STK33: variants seen among roughly 807,000 people sequenced by gnomAD.
The protein encoded by STK33 is serine/threonine kinase 33.
A neutral mutation model predicts 58.0 loss-of-function variants in STK33; 52 were observed. The observed-to-expected ratio is 0.90, with a 90% CI of 0.72 to 1.13. The LOEUF is 1.13. Among genes scored for constraint, STK33 ranks in the 50% most tolerant of loss-of-function variants. STK33 has a pLI of 0.00. For missense variants in STK33, 630 were observed against 604.2 expected (o/e 1.04, Z -0.45); for synonymous variants, 215 against 200.1 (o/e 1.07, Z -0.63).
intron 9 of STK33, among the ~76,000 whole-genome samples, chr11:8,456,879 G>A (rs753029261): frequency 7.2e-5 from 11 of 152,082 alleles, no homozygotes; most frequent in African/African-American, 1.9e-4. Context: ...TCAATCTAGT[G>A]GGGGATTTTG....
intron 6 of STK33, among the ~76,000 whole-genome samples, chr11:8,468,353 T>C (rs1565100829): frequency 1.3e-5 from 2 of 152,158 alleles, no homozygotes; most frequent in African/African-American, 2.4e-5. Context: ...GAGATTTGGG[T>C]GGGGACACAA....
intron 1 of STK33, among the ~76,000 whole-genome samples, chr11:8,573,282 T>C (rs1248933845): frequency 6.6e-6 from 1 of 152,044 alleles, no homozygotes; most frequent in Non-Finnish European, 1.5e-5. Context: ...GCAAAATACA[T>C]GAATAGACTT....
At chr11:8,383,045 T>C in the STK33 span, among the ~76,000 whole-genome samples, 1,869 of 152,286 alleles carry the variant, frequency 0.012, 38 homozygotes, top group African/African-American at 0.042. Flanking sequence ...AACTAGATTG[T>C]CCACGAATCC....
chr11:8,487,856 T>C (rs139124028), intron 1 of STK33, among the ~76,000 whole-genome samples: 149 of 152,310 alleles, frequency 9.8e-4, no homozygotes, highest in African/African-American at 3.5e-3. Context: ...ACTCTAGATA[T>C]TAACTAAAGG....
intron 14 of STK33, among the ~76,000 whole-genome samples, chr11:8,428,776 C>T (rs1943071741): frequency 6.6e-6 from 1 of 152,100 alleles, no homozygotes; most frequent in Non-Finnish European, 1.5e-5. Context: ...GGAGGGAAAG[C>T]AGCCCTATCC....
chr11:8,479,566 G>A (rs1949612865), intron 2 of STK33, among the ~76,000 whole-genome samples: 1 of 152,048 alleles, frequency 6.6e-6, no homozygotes, highest in Admixed American at 6.6e-5. Context: ...AAGCTGGCCA[G>A]GCACAGTGGT....
chr11:8,442,833 T>A (rs1201192048), intron 11 of STK33, among the ~76,000 whole-genome samples: 1 of 152,072 alleles, frequency 6.6e-6, no homozygotes, highest in African/African-American at 2.4e-5. Context: ...CTCAAAATCA[T>A]GATGTAAGAC....
At chr11:8,449,930 T>C (rs1037962879) in intron 11 of STK33, among the ~76,000 whole-genome samples, 3 of 152,106 alleles carry the variant, frequency 2.0e-5, no homozygotes, top group Non-Finnish European at 4.4e-5. Context: ...TGTGGAGAAA[T>C]AGGAATGCTT....
At chr11:8,399,522 T>C (rs901270441) in intron 15 of STK33, among the ~76,000 whole-genome samples, 6 of 152,046 alleles carry the variant, frequency 3.9e-5, no homozygotes, top group Non-Finnish European at 8.8e-5. Flanking sequence ...GCAGGAAAGA[T>C]CTAAAACTGA....
intron 8 of STK33, among the ~76,000 whole-genome samples, chr11:8,458,783 C>T (rs1947178993): frequency 1.3e-5 from 2 of 152,288 alleles, no homozygotes; most frequent in Admixed American, 1.3e-4. Flanking sequence ...CTTTATGTCT[C>T]CTTTATAACC....
rs180785526 is a variant in STK33 at position 8,418,340 on chromosome 11, A to G, written c.1147-4648T>C. On this transcript the variant is annotated intron_variant, in intron 14 of 15. Transcript: ENST00000687296. ...CCCCTTCTAAGTGAGAACATGTGCT[A>G]TTTGGTTTTCTGTTCCCACGTTAGT... is the stretch of plus-strand genomic sequence containing the variant. 2.7e-3 allele frequency among the ~76,000 whole-genome samples: 409 copies of G among 152,098 alleles called. 1 individual carries two copies. The highest frequency in any genetic ancestry group is 9.5e-3 in the African/African-American group (393 of 41,514).
intron 1 of STK33, among the ~76,000 whole-genome samples, chr11:8,537,623 T>C (rs972435928): frequency 2.6e-5 from 4 of 151,800 alleles, no homozygotes; most frequent in Admixed American, 2.0e-4. Context: ...AAAATGGACA[T>C]GTGCCAAGCG....
At chr11:8,526,258 G>A (rs1235220478) in intron 1 of STK33, among the ~76,000 whole-genome samples, 1 of 151,986 alleles carries the variant, frequency 6.6e-6, no homozygotes, top group African/African-American at 2.4e-5. Context: ...GCTGGTCATG[G>A]TGTCAAGCCT....
chr11:8,389,088 T>A (rs191194778), downstream of STK33, among the ~76,000 whole-genome samples: 5 of 150,650 alleles, frequency 3.3e-5, no homozygotes, highest in African/African-American at 1.2e-4. Context: ...TAAACTTAAA[T>A]GCGGAAGCTG....
intron 14 of STK33, among the ~76,000 whole-genome samples, chr11:8,423,008 T>C (rs968703641): frequency 4.0e-5 from 6 of 150,414 alleles, no homozygotes; most frequent in Admixed American, 1.3e-4. Context: ...GCCCGGCTGA[T>C]TTTTTAAATT....
At chr11:8,516,656 C>G (rs1482482083) in intron 1 of STK33, among the ~76,000 whole-genome samples, 2 of 152,218 alleles carry the variant, frequency 1.3e-5, no homozygotes, top group Non-Finnish European at 1.5e-5. Context: ...TTCCAAATGA[C>G]CTTAGCAAAT....
At chr11:8,509,747 A>G (rs1952159213) in intron 1 of STK33, among the ~76,000 whole-genome samples, 1 of 152,142 alleles carries the variant, frequency 6.6e-6, no homozygotes, top group African/African-American at 2.4e-5. Flanking sequence ...CTTATAAGTG[A>G]GAACATATGA....
At chr11:8,444,901 A>G (rs1945227944) in intron 11 of STK33, among the ~76,000 whole-genome samples, 1 of 152,194 alleles carries the variant, frequency 6.6e-6, no homozygotes, top group Non-Finnish European at 1.5e-5. Flanking sequence ...ATAAACTTTA[A>G]AGTAGTTTTT....
Position 8,464,721 on chromosome 11 carries a change from C to T in STK33, c.441G>A (p.Val147=). The change falls in exon 7 of 16, where the codon GTG becomes GTA. Residue 147 remains valine, a synonymous_variant. Coordinates refer to ENST00000687296, the MANE Select transcript of STK33 (RefSeq NM_001352389.2). ...ETETKWAIKK[V]NKEKAGSSAV... is the part of the protein sequence containing the mutation. ...TAATGAGCCTTACCTTTTCTTTGTTCACTTTTTTAATTGCCCACTTCGTTT... is the reference window on the plus strand; with the variant it reads ...TAATGAGCCTTACCTTTTCTTTGTTTACTTTTTTAATTGCCCACTTCGTTT... 6.2e-7 allele frequency: 1 copy of T among 1,612,728 alleles called. No individual in the cohort carries two copies. The highest frequency in any genetic ancestry group is 2.2e-5 in the East Asian group (1 of 44,822).
Sources: gnomAD v4.1 joint callset for allele counts (sites outside exome capture counted in the v4.1 genomes callset) on GRCh38, gnomAD v4.1.1 for gene constraint, MANE v1.5 for transcripts, NCBI Gene and HGNC (gene_info 2026-07-23, HGNC 2026-07-21) for gene names.